The following CD58 variants were observed in gnomAD, a reference collection of about 807,000 sequenced individuals.
CD58 encodes lymphocyte function-associated antigen 3.
Under a neutral mutation model 27.6 loss-of-function variants are expected in CD58, and 14 were observed. The observed-to-expected ratio is 0.51, with a 90% confidence interval of 0.34 to 0.79. The LOEUF (loss-of-function observed/expected upper bound fraction) is 0.79, where lower values mean the gene tolerates loss of function less well. Among genes scored for constraint, CD58 ranks in the 30% least tolerant of loss-of-function variants. CD58 has a pLI of 0.02. For synonymous variants in CD58, 117 were observed against 103.8 expected (o/e 1.13, Z -0.77); for missense variants, 268 against 301.7 (o/e 0.89, Z 0.83).
chr1:116,564,363 T>C (rs1416787134), intron 1 of CD58, among the ~76,000 whole-genome samples: 1 of 152,202 alleles, frequency 6.6e-6, no homozygotes, highest in African/African-American at 2.4e-5. Flanking sequence ...ACTATTCCAA[T>C]CCCTGCCTGT....
At position 116,531,796 on chromosome 1, in the gene CD58, T is replaced by C. The variant is rs1571065442; in HGVS notation, c.628+4169A>G. ...CTTTAATAGAATATTCTAACTATTATGTACAAATTGAAAACACTGTATTCA... is the reference window on the plus strand; with the variant it reads ...CTTTAATAGAATATTCTAACTATTACGTACAAATTGAAAACACTGTATTCA... On this transcript the variant is annotated intron_variant, in intron 3 of 5. Coordinates refer to ENST00000369489, the MANE Select transcript of CD58 (RefSeq NM_001779.3). This position sits in a 1 kb window ranked among gnomAD's most constrained non-coding sequence, Gnocchi z 4.5. 6.6e-6 allele frequency among the ~76,000 whole-genome samples: 1 copy of C among 152,262 alleles called. No homozygotes were observed. Among genetic ancestry groups the C allele is most frequent in the Non-Finnish European group, 1.5e-5 (1 of 68,052 alleles).
intron 1 of CD58, among the ~76,000 whole-genome samples, chr1:116,558,965 A>G (rs1245492608): frequency 6.6e-6 from 1 of 152,238 alleles, no homozygotes; most frequent in Admixed American, 6.5e-5. Flanking sequence ...AGGATATAGC[A>G]ATGAACAAAA....
In CD58 at chr1:116,527,436, A is replaced by G. The variant is rs1045110424; in HGVS notation, c.629-5453T>C. Among the ~76,000 whole-genome samples, 3 of 152,184 alleles carry G rather than the reference A, an allele frequency of 2.0e-5. No homozygotes were observed. Among genetic ancestry groups the G allele is most frequent in the Admixed American group, 6.5e-5 (1 of 15,276 alleles). On this transcript the variant is annotated intron_variant, in intron 3 of 5. Coordinates refer to ENST00000369489, the MANE Select transcript of CD58 (RefSeq NM_001779.3). The surrounding 1 kb of genome is among the most constrained non-coding windows in gnomAD (Gnocchi z 4.4). ...TTTTTCTGTATCTATTGGTATGATC[A>G]TGTGATTTTTCTTTCATAGTCTGTC...
intron 1 of CD58, among the ~76,000 whole-genome samples, chr1:116,567,015 C>T (rs1293107937): frequency 6.6e-6 from 1 of 150,580 alleles, no homozygotes; most frequent in Non-Finnish European, 1.5e-5. Flanking sequence ...AAGGCATGTC[C>T]CTGTAGTCCC....
intron 1 of CD58, among the ~76,000 whole-genome samples, chr1:116,554,528 A>T (rs897351941): frequency 9.2e-5 from 14 of 151,946 alleles, no homozygotes; most frequent in East Asian, 5.8e-4. Flanking sequence ...TCTACCAAAA[A>T]ATATATATAT....
rs550401308 is a variant in CD58 at position 116,516,021 on chromosome 1, C to T, written c.744-1199G>A. The stretch of plus-strand genomic sequence containing the variant: ...CCTCCCCCGATCTCCTCCATCTCCA[C>T]CATATACAGAACCTTTTAACATTTT... On this transcript the variant is annotated intron_variant, in intron 5 of 5. Coordinates refer to ENST00000369489, the MANE Select transcript of CD58 (RefSeq NM_001779.3). The surrounding 1 kb of genome is among the most constrained non-coding windows in gnomAD (Gnocchi z 6.1). Among the ~76,000 whole-genome samples the T allele has an allele frequency of 9.7e-4, 147 of 152,180 alleles. No homozygotes were observed. The highest frequency in any genetic ancestry group is 3.2e-3 in the Middle Eastern group (1 of 316).
rs1437780314 is a variant in CD58 at position 116,538,605 on chromosome 1, T to G, written c.365-2377A>C. Among the ~76,000 whole-genome samples the G allele has an allele frequency of 6.6e-6, 1 of 152,190 alleles. No individual in the cohort carries two copies. Among genetic ancestry groups the G allele is most frequent in the East Asian group, 1.9e-4 (1 of 5,198 alleles). ...CCTGAGCCCCACCATCCCAGGTGCT[T>G]CTGATGTATGTGGCCTGTTTGTTCT... is the stretch of plus-strand genomic sequence containing the variant. On this transcript the variant is annotated intron_variant, in intron 2 of 5. Transcript: ENST00000369489. The surrounding 1 kb of genome is among the most constrained non-coding windows in gnomAD (Gnocchi z 4.7).
chr1:116,566,032 T>C (rs1658921712), intron 1 of CD58, among the ~76,000 whole-genome samples: 2 of 152,234 alleles, frequency 1.3e-5, no homozygotes, highest in Admixed American at 1.3e-4. Context: ...CCAAGTAACT[T>C]TTGAATATAG....
rs1472732217 is a variant in CD58, at chr1:116,522,025, A to G, written c.629-42T>C. On this transcript the variant is annotated intron_variant, in intron 3 of 5. Coordinates refer to ENST00000369489, the MANE Select transcript of CD58 (RefSeq NM_001779.3). The surrounding 1 kb of genome is among the most constrained non-coding windows in gnomAD (Gnocchi z 4.6). ...AAAAGAAATTCAACTAGTTGAACTG[A>G]TCAAAATGGATCCTCATTATTTGCA... The G allele has an allele frequency of 2.0e-6, 2 of 1,014,272 alleles. No individual in the cohort carries two copies. Among genetic ancestry groups the G allele is most frequent in the Non-Finnish European group, 3.0e-6 (2 of 667,574 alleles). 62.8% of individuals were successfully genotyped at this position (1,014,272 alleles called of 1,614,324 possible). A position where few individuals can be genotyped will look rare whatever the true frequency, so the allele number is the denominator to read the frequency against.
chr1:116,568,880 A>T (rs1659032368), intron 1 of CD58, among the ~76,000 whole-genome samples: 1 of 152,218 alleles, frequency 6.6e-6, no homozygotes, highest in Non-Finnish European at 1.5e-5. Flanking sequence ...GCTGTTAATC[A>T]CTGCATTTGC....
chr1:116,525,985 G>T (rs1448381403), intron 3 of CD58, among the ~76,000 whole-genome samples: 1 of 152,128 alleles, frequency 6.6e-6, no homozygotes, highest in Non-Finnish European at 1.5e-5. Context: ...TTTGCCATCT[G>T]TATACCTTCC....
intron 1 of CD58, among the ~76,000 whole-genome samples, chr1:116,564,756 T>A (rs1658877619): frequency 6.6e-6 from 1 of 152,232 alleles, no homozygotes; most frequent in African/African-American, 2.4e-5. Context: ...ATGGGGATTA[T>A]TACAATTCAA....
At chr1:116,535,341 T>C (rs979831357) in intron 3 of CD58, among the ~76,000 whole-genome samples, 5 of 152,226 alleles carry the variant, frequency 3.3e-5, no homozygotes, top group Non-Finnish European at 7.3e-5. Context: ...TGCCACTTAC[T>C]AGCTGTTACC....
At chr1:116,543,448 C>T (rs551683041) in intron 2 of CD58, among the ~76,000 whole-genome samples, 31 of 151,834 alleles carry the variant, frequency 2.0e-4, no homozygotes, top group Non-Finnish European at 4.1e-4. Flanking sequence ...ATTGCAACCA[C>T]CAAGACACCA....
chr1:116,560,794 T>A (rs1419780195), intron 1 of CD58, among the ~76,000 whole-genome samples: 4 of 152,198 alleles, frequency 2.6e-5, no homozygotes, highest in Non-Finnish European at 5.9e-5. Flanking sequence ...GCTAAAATGT[T>A]TTCCCCTCCT....
chr1:116,549,590 T>C (rs1245515127), intron 1 of CD58, among the ~76,000 whole-genome samples: 1 of 152,120 alleles, frequency 6.6e-6, no homozygotes, highest in Non-Finnish European at 1.5e-5. Context: ...CTTTAAAAAA[T>C]GTATTTTAAA....
rs1350818913 is a variant in CD58 at position 116,557,566 on chromosome 1, T to A, written c.71-12962A>T. On this transcript the variant is annotated intron_variant, in intron 1 of 5. Transcript: ENST00000369489. This position sits in a 1 kb window ranked among gnomAD's most constrained non-coding sequence, Gnocchi z 5.2. ...TCAGCCCCAATCAAACTTAACAGCCTCGCTATGGTTTGAGGAGGTTCACTG... is the reference window on the plus strand; with the variant it reads ...TCAGCCCCAATCAAACTTAACAGCCACGCTATGGTTTGAGGAGGTTCACTG... 1.3e-5 allele frequency among the ~76,000 whole-genome samples: 2 copies of A among 152,202 alleles called. No homozygotes were observed. Among genetic ancestry groups the A allele is most frequent in the East Asian group, 3.8e-4 (2 of 5,200 alleles).
In CD58 at chr1:116,522,000, A is replaced by T; in HGVS notation, c.629-17T>A. 1 of 1,430,540 alleles carries T rather than the reference A, an allele frequency of 7.0e-7. No individual in the cohort carries two copies. The highest frequency in any genetic ancestry group is 9.7e-7 in the Non-Finnish European group (1 of 1,027,664). The allele number at this position is 1,430,540 out of a possible 1,614,324, so 88.6% of individuals were successfully genotyped here. A position where few individuals can be genotyped will look rare whatever the true frequency, so the allele number is the denominator to read the frequency against. On this transcript the variant is annotated splice_polypyrimidine_tract_variant and intron_variant, in intron 3 of 5. Coordinates refer to ENST00000369489, the MANE Select transcript of CD58 (RefSeq NM_001779.3). This position sits in a 1 kb window ranked among gnomAD's most constrained non-coding sequence, Gnocchi z 5.6. ...TTGAATGACCTATAAAAAAGAAAAG[A>T]AAAGAAATTCAACTAGTTGAACTGA...
At chr1:116,567,732 G>C (rs1658987773) in intron 1 of CD58, among the ~76,000 whole-genome samples, 2 of 152,138 alleles carry the variant, frequency 1.3e-5, no homozygotes, top group South Asian at 4.1e-4. Flanking sequence ...TGGAGAACAG[G>C]ATATTCACTC....
Sources: gnomAD v4.1 joint callset for allele counts (sites outside exome capture counted in the v4.1 genomes callset) on GRCh38, gnomAD v4.1.1 for gene constraint, Gnocchi (gnomAD v3.1) non-coding constraint, MANE v1.5 for transcripts, NCBI Gene and HGNC (gene_info 2026-07-23, HGNC 2026-07-21) for gene names.